CNTN4: variants seen among roughly 807,000 people sequenced by gnomAD.
CNTN4 encodes contactin 4, also known as contactin-4.
Under a neutral mutation model 122.5 loss-of-function variants are expected in CNTN4, and 77 were observed. The ratio of observed to expected loss-of-function variants is 0.63; its 90% CI spans 0.52 to 0.76. CNTN4 has a LOEUF of 0.76. Among genes scored for constraint, CNTN4 ranks in the 30% least tolerant of loss-of-function variants. The pLI is 0.00. For synonymous variants in CNTN4, 512 were observed against 447.0 expected (o/e 1.15, Z -1.83); for missense variants, 1,256 against 1,259.1 (o/e 1.00, Z 0.04).
intron 13 of CNTN4, among the ~76,000 whole-genome samples, chr3:2,973,962 G>A (rs956282640): frequency 6.6e-6 from 1 of 152,302 alleles, no homozygotes; most frequent in African/African-American, 2.4e-5. Context: ...ACTTCTCCAA[G>A]TACTCAGATC....
At chr3:2,290,083 G>T (rs1318378922) in intron 2 of CNTN4, among the ~76,000 whole-genome samples, 1 of 152,108 alleles carries the variant, frequency 6.6e-6, no homozygotes, top group Non-Finnish European at 1.5e-5. Flanking sequence ...GAGTAACAGG[G>T]ACTGGATTTA....
At position 3,024,424 on chromosome 3, in the gene CNTN4, C is replaced by CTA. The variant is rs1698561303; in HGVS notation, c.1487-1676_1487-1675dup. ...AAAAAAAAAACAACTTCATCACTAT[C>CTA]TATTCCTGATGGTAAGTGAATCAAT... On this transcript the variant is annotated intron_variant, in intron 14 of 24. Coordinates refer to ENST00000418658, the MANE Select transcript of CNTN4 (RefSeq NM_175607.3). Among the ~76,000 whole-genome samples, 3 of 138,366 alleles carry CTA rather than the reference C, an allele frequency of 2.2e-5. No individual in the cohort carries two copies. The South Asian group carries it at 7.7e-4, about 36-fold the overall frequency. 90.8% of individuals were successfully genotyped at this position (138,366 alleles called of 152,430 possible).
rs992825260 is a variant in CNTN4, at chr3:2,709,001, G to A, written c.56-27214G>A. Among the ~76,000 whole-genome samples the A allele has an allele frequency of 3.9e-5, 6 of 152,094 alleles. No individual in the cohort carries two copies. The highest frequency in any genetic ancestry group is 1.2e-4 in the African/African-American group (5 of 41,402). On this transcript the variant is annotated intron_variant, in intron 4 of 24. Transcript: ENST00000418658. The surrounding 1 kb of genome is among the most constrained non-coding windows in gnomAD (Gnocchi z 5.0). The stretch of plus-strand genomic sequence containing the variant: ...AATCCATGTACGTATTTTAATGGGC[G>A]TTGCTACTTGGATCTTCAGAATACA...
chr3:2,986,351 A>G (rs1489497355), intron 13 of CNTN4, among the ~76,000 whole-genome samples: 3 of 152,236 alleles, frequency 2.0e-5, no homozygotes, highest in African/African-American at 7.2e-5. Context: ...TCTGTTTCAT[A>G]GAAGAGGAAG....
chr3:2,849,986 C>CTTTTTTTTTTTTTTTTTTT (rs746657018), intron 7 of CNTN4, among the ~76,000 whole-genome samples: 1 of 140,698 alleles, frequency 7.1e-6, no homozygotes. Flanking sequence ...TTAGCAATCA[C>CTTTTTTTTTTTTTTTTTTT]TTTTTTTTCT....
intron 6 of CNTN4, among the ~76,000 whole-genome samples, chr3:2,817,250 T>A (rs552321054): frequency 6.6e-6 from 1 of 152,348 alleles, no homozygotes; most frequent in East Asian, 1.9e-4. Flanking sequence ...ACTACATACT[T>A]GAAACAAAGA....
intron 4 of CNTN4, among the ~76,000 whole-genome samples, chr3:2,591,403 C>A (rs1462878405): frequency 2.7e-5 from 1 of 37,620 alleles, no homozygotes; most frequent in Non-Finnish European, 5.5e-5. Flanking sequence ...CTCGCTCTGT[C>A]GCCCAGGCTG....
chr3:3,047,661 C>G (rs1700804741), intron 23 of CNTN4, among the ~76,000 whole-genome samples: 1 of 148,484 alleles, frequency 6.7e-6, no homozygotes, highest in African/African-American at 2.5e-5. Flanking sequence ...ACTAAATGCC[C>G]ACAAGAGAAA....
At chr3:2,142,342 G>A (rs1296216671) in intron 2 of CNTN4, among the ~76,000 whole-genome samples, 1 of 151,498 alleles carries the variant, frequency 6.6e-6, no homozygotes, top group African/African-American at 2.4e-5. Context: ...CTGACTTTTT[G>A]ATATTCTTTC....
intron 3 of CNTN4, among the ~76,000 whole-genome samples, chr3:2,373,209 T>C (rs2045696300): frequency 1.3e-5 from 2 of 152,216 alleles, no homozygotes. Flanking sequence ...ATGACTGTTG[T>C]TCTTTAGTTA....
At chr3:2,974,104 G>A (rs1693197492) in intron 13 of CNTN4, among the ~76,000 whole-genome samples, 1 of 152,168 alleles carries the variant, frequency 6.6e-6, no homozygotes, top group South Asian at 2.1e-4. Flanking sequence ...GAAATCCTGA[G>A]TAATCCCTCT....
intron 2 of CNTN4, among the ~76,000 whole-genome samples, chr3:2,321,968 C>G (rs2043290186): frequency 6.6e-6 from 1 of 152,092 alleles, no homozygotes; most frequent in Non-Finnish European, 1.5e-5. Flanking sequence ...TGGGAAACCA[C>G]AAACAGAGGA....
At chr3:2,395,464 G>A (rs2046607338) in intron 3 of CNTN4, among the ~76,000 whole-genome samples, 2 of 152,084 alleles carry the variant, frequency 1.3e-5, no homozygotes, top group Admixed American at 1.3e-4. Flanking sequence ...TCAACTTTTA[G>A]GATCACATGG....
At chr3:2,796,043 T>A (rs2092167282) in intron 6 of CNTN4, among the ~76,000 whole-genome samples, 1 of 152,184 alleles carries the variant, frequency 6.6e-6, no homozygotes. Context: ...TTTTTTATTC[T>A]CACAGAGAAT....
intron 3 of CNTN4, among the ~76,000 whole-genome samples, chr3:2,567,041 C>T (rs868328802): frequency 1.3e-5 from 2 of 151,356 alleles, no homozygotes; most frequent in Non-Finnish European, 2.9e-5. Context: ...TCTTGAAAGT[C>T]ATTCTCACCC....
At chr3:2,253,259 A>C (rs2040444605) in intron 2 of CNTN4, among the ~76,000 whole-genome samples, 1 of 152,152 alleles carries the variant, frequency 6.6e-6, no homozygotes, top group Non-Finnish European at 1.5e-5. Context: ...AATGACTTCT[A>C]TTCCTGCTAC....
intron 3 of CNTN4, among the ~76,000 whole-genome samples, chr3:2,458,608 C>T (rs1320448261): frequency 6.6e-6 from 1 of 150,594 alleles, no homozygotes; most frequent in East Asian, 1.9e-4. Flanking sequence ...TTCTAATGAG[C>T]CTTTCAAGAA....
chr3:3,020,604 G>A (rs1424065109), intron 14 of CNTN4, among the ~76,000 whole-genome samples: 1 of 152,166 alleles, frequency 6.6e-6, no homozygotes, highest in Admixed American at 6.5e-5. Context: ...AATACCTCCA[G>A]AAATGGAGAT....
intron 3 of CNTN4, among the ~76,000 whole-genome samples, chr3:2,467,038 C>G (rs772078764): frequency 3.6e-5 from 5 of 139,874 alleles, no homozygotes; most frequent in Non-Finnish European, 7.6e-5. Flanking sequence ...AGTATTCACA[C>G]ATATGGAGTA....
Sources: allele counts gnomAD v4.1 joint callset (sites outside exome capture counted in the v4.1 genomes callset), GRCh38; gene constraint gnomAD v4.1.1; non-coding constraint Gnocchi (gnomAD v3.1); transcripts MANE v1.5; gene names NCBI Gene and HGNC (gene_info 2026-07-23, HGNC 2026-07-21).